SOD1: variants seen among roughly 807,000 people sequenced by gnomAD.
SOD1 encodes superoxide dismutase [Cu-Zn].
SOD1 carries 8 observed loss-of-function variants against 15.9 expected under a neutral mutation model. The ratio of observed to expected loss-of-function variants is 0.50; its 90% confidence interval spans 0.30 to 0.91. The LOEUF is 0.91. Ranked by LOEUF, SOD1 falls within the 40% of genes least tolerant of loss-of-function variation. SOD1 has a pLI of 0.07. For synonymous variants in SOD1, 86 were observed against 71.2 expected (o/e 1.21, Z -1.04); for missense variants, 137 against 194.5 (o/e 0.70, Z 1.76).
At chr21:31,666,988 T>C (rs1034155041) in intron 3 of SOD1, 5 of 516,208 alleles carry the variant, frequency 9.7e-6, no homozygotes, top group Non-Finnish European at 1.7e-5. Context: ...CCTTGGGACA[T>C]AGCTTTGTTA....
rs17885833 is a variant in SOD1, at chr21:31,666,429, T to C, written c.170-20T>C. On this transcript the variant is annotated intron_variant, in intron 2 of 4. Coordinates refer to ENST00000270142, the MANE Select transcript of SOD1 (RefSeq NM_000454.5). ...ACTTTAATTCATAATTTAGCTTTTT[T>C]TTCTTCTTCTTATAAATAGGCTGTA... 2,141 of 1,587,534 alleles carry C rather than the reference T, an allele frequency of 1.3e-3. 33 individuals are homozygous for C. The African/African-American group carries it at 0.024, about 18-fold the overall frequency.
chr21:31,666,029 T>G (rs941967909), intron 2 of SOD1, among the ~76,000 whole-genome samples: 1 of 148,302 alleles, frequency 6.7e-6, no homozygotes, highest in Non-Finnish European at 1.5e-5. Flanking sequence ...TGGAGTGCAG[T>G]GGTGCGATCT....
In SOD1 at chr21:31,660,181, G is replaced by T. The variant is rs1029417410; in HGVS notation, c.72+340G>T. On this transcript the variant is annotated intron_variant, in intron 1 of 4. Coordinates refer to ENST00000270142, the MANE Select transcript of SOD1 (RefSeq NM_000454.5). ...CTTGGGCCGCCGCCGCGGGTCTGTCGTGGTGCCTGGAGCGGCTGTGCTCGT... is the reference window on the plus strand; with the variant it reads ...CTTGGGCCGCCGCCGCGGGTCTGTCTTGGTGCCTGGAGCGGCTGTGCTCGT... 7 of 154,360 alleles carry T rather than the reference G, an allele frequency of 4.5e-5. No individual in the cohort carries two copies. The East Asian group carries it at 1.3e-3, about 29-fold the overall frequency. The allele number at this position is 154,360 out of a possible 1,614,324, so 9.6% of individuals were successfully genotyped here. A position where few individuals can be genotyped will look rare whatever the true frequency, so the allele number is the denominator to read the frequency against.
At position 31,663,889 on chromosome 21, in the gene SOD1, G is replaced by A; in HGVS notation, c.169+3G>A. The A allele has an allele frequency of 6.2e-7, 1 of 1,606,290 alleles. No homozygotes were observed. On this transcript the variant is annotated splice_donor_region_variant and intron_variant, in intron 2 of 4. Transcript: ENST00000270142. ...TGAGTTTGGAGATAATACAGCAGGT[G>A]GGTGTTGTGCTGTGCTGGTGACCCA...
Position 31,663,785 on chromosome 21 carries a change from TA to T in SOD1, c.73-2del. On this transcript the variant is annotated splice_polypyrimidine_tract_variant and splice_region_variant and intron_variant, in intron 1 of 4. Transcript: ENST00000270142. ...ACTCTCTCCAACTTTGCACTTTTCT[TA>T]AAGGAAAGTAATGGACCAGTGAAGG... 1 of 1,607,240 alleles carries T rather than the reference TA, an allele frequency of 6.2e-7. No individual in the cohort carries two copies. The highest frequency in any genetic ancestry group is 8.5e-7 in the Non-Finnish European group (1 of 1,174,096).
intron 1 of SOD1, among the ~76,000 whole-genome samples, chr21:31,660,904 A>T (rs1423657554): frequency 6.6e-6 from 1 of 152,246 alleles, no homozygotes; most frequent in Non-Finnish European, 1.5e-5. Context: ...AAGTGGCTTT[A>T]AAATTGCTCT....
intron 4 of SOD1, among the ~76,000 whole-genome samples, chr21:31,667,900 G>A (rs1330708861): frequency 1.3e-5 from 2 of 152,158 alleles, no homozygotes; most frequent in Non-Finnish European, 2.9e-5. Context: ...TTAACATTCA[G>A]TAGTCACTTC....
chr21:31,665,573 C>G (rs1373207802), intron 2 of SOD1, among the ~76,000 whole-genome samples: 2 of 152,126 alleles, frequency 1.3e-5, no homozygotes, highest in African/African-American at 4.8e-5. Context: ...TGAAGACAGC[C>G]GTGTTATGAA....
Position 31,668,799 on chromosome 21 carries a change from C to G in SOD1, c.*221C>G, listed in dbSNP as rs1459188060. On this transcript the variant is annotated 3_prime_UTR_variant, in exon 5 of 5. Transcript: ENST00000270142. Reference sequence around the variant, plus strand: ...CAGTTAAAATGTCTGTTTCAATGACCTGTATTTTGCCAGACTTAAATCACA... The same window carrying G: ...CAGTTAAAATGTCTGTTTCAATGACGTGTATTTTGCCAGACTTAAATCACA... The G allele has an allele frequency of 1.9e-6, 1 of 524,496 alleles. No homozygotes were observed. Among genetic ancestry groups the G allele is most frequent in the Non-Finnish European group, 3.4e-6 (1 of 291,258 alleles). 32.5% of individuals were successfully genotyped at this position (524,496 alleles called of 1,614,324 possible).
In SOD1 at chr21:31,668,853, T is replaced by G. The variant is rs1675439683; in HGVS notation, c.*275T>G. The G allele has an allele frequency of 1.7e-5, 7 of 409,434 alleles. No individual in the cohort carries two copies. The South Asian group carries it at 1.7e-4, about 10-fold the overall frequency. 25.4% of individuals were successfully genotyped at this position (409,434 alleles called of 1,614,324 possible). A position where few individuals can be genotyped will look rare whatever the true frequency, so the allele number is the denominator to read the frequency against. On this transcript the variant is annotated 3_prime_UTR_variant, in exon 5 of 5. Transcript: ENST00000270142. ...GGGTATTAAACTTGTCAGAATTTCT[T>G]TGTCATTCAAGCCTGTGAATAAAAA...
intron 2 of SOD1, among the ~76,000 whole-genome samples, chr21:31,664,671 T>G (rs1951052683): frequency 2.0e-5 from 3 of 152,080 alleles, no homozygotes; most frequent in Non-Finnish European, 2.9e-5. Flanking sequence ...CAGGCTGGAG[T>G]GCAGTGGCGC....
At chr21:31,665,529 C>T (rs1452046205) in intron 2 of SOD1, among the ~76,000 whole-genome samples, 2 of 152,168 alleles carry the variant, frequency 1.3e-5, no homozygotes, top group Non-Finnish European at 2.9e-5. Flanking sequence ...CTGCCTTTCT[C>T]CCTGTGTGGG....
At chr21:31,660,319 T>G (rs2049537703) in intron 1 of SOD1, 1 of 152,522 alleles carries the variant, frequency 6.6e-6, no homozygotes, top group South Asian at 2.1e-4. Context: ...TGTCTTCGCA[T>G]CCCTCTCCGC....
rs142752986 is a variant in SOD1 at position 31,659,722 on chromosome 21, T to G, written c.-48T>G. On this transcript the variant is annotated 5_prime_UTR_variant, in exon 1 of 5. Coordinates refer to ENST00000270142, the MANE Select transcript of SOD1 (RefSeq NM_000454.5). ...CGTAGTCTCCTGCAGCGTCTGGGGT[T>G]TCCGTTGCAGTCCTCGGAACCAGGA... 4.4e-6 allele frequency: 7 copies of G among 1,593,274 alleles called. No homozygotes were observed. The highest frequency in any genetic ancestry group is 1.3e-5 in the African/African-American group (1 of 74,540).
intron 2 of SOD1, 81 bp from the exon 3 acceptor site, chr21:31,666,368 G>A: frequency 9.2e-7 from 1 of 1,085,504 alleles, no homozygotes; most frequent in Non-Finnish European, 1.4e-6. Flanking sequence ...TCCATGGGAA[G>A]TTTTAGCAGT....
chr21:31,660,036 C>T (rs2049534221), intron 1 of SOD1, 195 bp downstream of exon 1: 1 of 355,356 alleles, frequency 2.8e-6, no homozygotes. Flanking sequence ...CCGGGCGGGC[C>T]CGGGCGCGGG....
chr21:31,662,418 A>C (rs182103343), intron 1 of SOD1, among the ~76,000 whole-genome samples: 2 of 152,372 alleles, frequency 1.3e-5, no homozygotes, highest in East Asian at 3.9e-4. Flanking sequence ...ATTTGAAAAC[A>C]AACCAAGCTA....
At chr21:31,659,939 G>T in intron 1 of SOD1, 98 bp downstream of exon 1, 1 of 1,263,982 alleles carries the variant, frequency 7.9e-7, no homozygotes, top group Non-Finnish European at 1.1e-6. Flanking sequence ...AGGCCTCGGG[G>T]CCGCCCTGGT....
chr21:31,659,698 G>A lies in SOD1; in HGVS notation c.-72G>A, dbSNP rs2049528685. On this transcript the variant is annotated 5_prime_UTR_variant, in exon 1 of 5. Coordinates refer to ENST00000270142, the MANE Select transcript of SOD1 (RefSeq NM_000454.5). ...CGGAGACGGGGTGCTGGTTTGCGTCGTAGTCTCCTGCAGCGTCTGGGGTTT... is the reference window on the plus strand; with the variant it reads ...CGGAGACGGGGTGCTGGTTTGCGTCATAGTCTCCTGCAGCGTCTGGGGTTT... 3 of 1,504,408 alleles carry A rather than the reference G, an allele frequency of 2.0e-6. No homozygotes were observed. Among genetic ancestry groups the A allele is most frequent in the African/African-American group, 1.4e-5 (1 of 72,892 alleles). The allele number at this position is 1,504,408 out of a possible 1,614,324, so 93.2% of individuals were successfully genotyped here.
Sources: allele counts gnomAD v4.1 joint callset (sites outside exome capture counted in the v4.1 genomes callset), GRCh38; gene constraint gnomAD v4.1.1; transcripts MANE v1.5; gene names NCBI Gene and HGNC (gene_info 2026-07-23, HGNC 2026-07-21).